Variants in OTOGL observed in about 807,000 individuals in gnomAD.
OTOGL encodes the protein otogelin-like protein.
In OTOGL, 285 loss-of-function variants were observed where a neutral mutation model predicts 318.5. That is an observed-to-expected ratio of 0.89 (90% CI 0.81 to 0.99). OTOGL has a LOEUF of 0.99. Ranked by LOEUF, OTOGL falls within the 50% of genes least tolerant of loss-of-function variation. The pLI, the probability that OTOGL is intolerant of heterozygous loss-of-function variation, is 0.00. For synonymous variants in OTOGL, 987 were observed against 936.5 expected, an observed-to-expected ratio of 1.05 and a Z score of -0.99; for missense variants, 2,899 against 2,845.6, an observed-to-expected ratio of 1.02 and a Z score of -0.43.
Position 80,342,171 on chromosome 12 carries a change from G to A in OTOGL, c.5265+9G>A, listed in dbSNP as rs1888818737. On this transcript the variant is annotated intron_variant, in intron 44 of 58. Transcript: ENST00000547103. ...TTCCATGTCATGATAAAGTAAGTTGGAAGCAACCATAAATAATACTTTCAT... is the reference window on the plus strand; with the variant it reads ...TTCCATGTCATGATAAAGTAAGTTGAAAGCAACCATAAATAATACTTTCAT... The A allele has an allele frequency of 6.5e-7, 1 of 1,533,228 alleles. No individual in the cohort carries two copies. The highest frequency in any genetic ancestry group is 1.7e-4 in the Middle Eastern group (1 of 5,894). 95.0% of individuals were successfully genotyped at this position (1,533,228 alleles called of 1,614,324 possible). A position where few individuals can be genotyped will look rare whatever the true frequency, so the allele number is the denominator to read the frequency against.
Position 80,380,472 on chromosome 12 carries a change from G to C in OTOGL, c.*2424G>C, listed in dbSNP as rs928214223. On this transcript the variant is annotated 3_prime_UTR_variant, in exon 59 of 59. Transcript: ENST00000547103. ...AATGAGCCAAAGATATAAACTGATA[G>C]TTGAAAGAAAAATAAGTAAGACTAG... is the stretch of plus-strand genomic sequence containing the variant. The C allele has an allele frequency of 2.0e-5, 3 of 151,794 alleles. No individual in the cohort carries two copies. Among genetic ancestry groups the C allele is most frequent in the African/African-American group, 7.3e-5 (3 of 41,362 alleles). The allele number at this position is 151,794 out of a possible 1,614,324, so 9.4% of individuals were successfully genotyped here. A position where few individuals can be genotyped will look rare whatever the true frequency, so the allele number is the denominator to read the frequency against.
chr12:80,296,480 A>T (rs770623559), intron 26 of OTOGL, among the ~76,000 whole-genome samples: 1 of 152,190 alleles, frequency 6.6e-6, no homozygotes, highest in African/African-American at 2.4e-5. Flanking sequence ...CATATCTCAA[A>T]TGAATATTTT....
chr12:80,355,908 C>T lies in OTOGL; in HGVS notation c.5766C>T (p.Gly1922=), dbSNP rs756639152. Residue 1922 remains glycine, a synonymous_variant, in exon 47 of 59, where the codon GGC becomes GGT. Transcript: ENST00000547103. ...AACGAGAAGCTGAAGTTGTCATGGGCATCATTGATAAATGGACCTGCTGTT... is the reference window on the plus strand; with the variant it reads ...AACGAGAAGCTGAAGTTGTCATGGGTATCATTGATAAATGGACCTGCTGTT... The part of the protein sequence containing the change: ...VCEREAEVVM[G]IIDKWTCCSK... 1 of 1,613,874 alleles carries T rather than the reference C, an allele frequency of 6.2e-7. No homozygotes were observed. The highest frequency in any genetic ancestry group is 1.7e-5 in the Admixed American group (1 of 60,006).
chr12:80,238,379 T>A (rs568212569), intron 9 of OTOGL, among the ~76,000 whole-genome samples: 1 of 138,802 alleles, frequency 7.2e-6, no homozygotes, highest in African/African-American at 3.4e-5. Context: ...ATTTGACAAG[T>A]TTTTTTTTGT....
At chr12:80,134,174 C>T (rs1007870987) in intron 1 of OTOGL, among the ~76,000 whole-genome samples, 2 of 152,146 alleles carry the variant, frequency 1.3e-5, no homozygotes, top group Admixed American at 1.3e-4. Context: ...TTATTTTCCT[C>T]TCTCCCCATT....
chr12:80,108,789 ATATATATATATG>A (rs1565863123), intron 1 of OTOGL, among the ~76,000 whole-genome samples: 1 of 132,510 alleles, frequency 7.5e-6, no homozygotes, highest in Non-Finnish European at 1.6e-5. Flanking sequence ...ATATATATGT[ATATATATATATG>A]TATATATATA....
chr12:80,215,585 T>G (rs963958139), intron 4 of OTOGL, among the ~76,000 whole-genome samples: 5 of 152,188 alleles, frequency 3.3e-5, no homozygotes, highest in Non-Finnish European at 5.9e-5. Flanking sequence ...ATTGGGAAAC[T>G]GAACCTGAGC....
chr12:80,156,858 G>A (rs573963142), intron 1 of OTOGL, among the ~76,000 whole-genome samples: 1 of 152,216 alleles, frequency 6.6e-6, no homozygotes, highest in South Asian at 2.1e-4. Flanking sequence ...CACTTAGATT[G>A]CATCCAAATC....
rs544227304 is a variant in OTOGL, at chr12:80,216,683, T to C, written c.169-915T>C. On this transcript the variant is annotated intron_variant, in intron 4 of 58. Coordinates refer to ENST00000547103, the MANE Select transcript of OTOGL (RefSeq NM_001378609.3). ...AGGGAAGTGCCATTGTTGTTCCCCT[T>C]TTACAGATGAGTAAATAGAGGCACT... 4.6e-5 allele frequency among the ~76,000 whole-genome samples: 7 copies of C among 152,278 alleles called. 1 individual carries two copies. The highest frequency in any genetic ancestry group is 1.7e-4 in the African/African-American group (7 of 41,556).
chr12:80,311,403 A>G (rs1438606279), intron 30 of OTOGL, among the ~76,000 whole-genome samples: 1 of 152,132 alleles, frequency 6.6e-6, no homozygotes, highest in Non-Finnish European at 1.5e-5. Flanking sequence ...TCAGACAGGG[A>G]TATTTGGCAG....
chr12:80,142,270 A>G (rs978729472), intron 1 of OTOGL, among the ~76,000 whole-genome samples: 2 of 152,096 alleles, frequency 1.3e-5, no homozygotes, highest in African/African-American at 2.4e-5. Flanking sequence ...GCACATCCCA[A>G]TTTGGATTAG....
At chr12:80,357,597 G>T (rs1422832788) in intron 49 of OTOGL, among the ~76,000 whole-genome samples, 1 of 152,128 alleles carries the variant, frequency 6.6e-6, no homozygotes, top group Non-Finnish European at 1.5e-5. Flanking sequence ...CCAAAATGAA[G>T]CAGAACAGTC....
At chr12:80,110,261 G>A (rs946700809) in intron 1 of OTOGL, among the ~76,000 whole-genome samples, 3 of 152,028 alleles carry the variant, frequency 2.0e-5, no homozygotes, top group Non-Finnish European at 2.9e-5. Flanking sequence ...TCGAGATGGG[G>A]TTTCACCGTG....
At chr12:80,112,489 C>T (rs1869900525) in intron 1 of OTOGL, among the ~76,000 whole-genome samples, 1 of 152,140 alleles carries the variant, frequency 6.6e-6, no homozygotes, top group Non-Finnish European at 1.5e-5. Flanking sequence ...TTTTCTGCAT[C>T]TATCGAGATA....
At chr12:80,281,407 A>G (rs1051587469) in intron 26 of OTOGL, among the ~76,000 whole-genome samples, 19 of 151,792 alleles carry the variant, frequency 1.3e-4, no homozygotes, top group African/African-American at 4.6e-4. Flanking sequence ...AATATGAAGG[A>G]TGTTGAATTT....
chr12:80,153,377 G>T lies in OTOGL; in HGVS notation c.-20+53772G>T, dbSNP rs75554111. On this transcript the variant is annotated intron_variant, in intron 1 of 58. Transcript: ENST00000547103. ...CTCATGACCTAATCACCCCCTCAAA[G>T]GCTCCACCTCCTGAGACCATCACAT... 2.6e-5 allele frequency among the ~76,000 whole-genome samples: 4 copies of T among 152,186 alleles called. No individual in the cohort carries two copies. In the East Asian group the frequency reaches 7.7e-4, roughly 29 times the overall value.
At chr12:80,306,591 T>C (rs1371620998) in intron 29 of OTOGL, among the ~76,000 whole-genome samples, 1 of 152,054 alleles carries the variant, frequency 6.6e-6, no homozygotes, top group Non-Finnish European at 1.5e-5. Flanking sequence ...TCAGTAATTT[T>C]TGAGTGTGGT....
intron 44 of OTOGL, among the ~76,000 whole-genome samples, chr12:80,349,177 G>A (rs753785762): frequency 5.9e-5 from 9 of 151,942 alleles, no homozygotes; most frequent in Non-Finnish European, 1.0e-4. Flanking sequence ...AGTGTAATTC[G>A]GGAGCTCAGA....
At chr12:80,110,727 CTT>C (rs1211381924) in intron 1 of OTOGL, among the ~76,000 whole-genome samples, 1 of 152,090 alleles carries the variant, frequency 6.6e-6, no homozygotes, top group Non-Finnish European at 1.5e-5. Context: ...GTGCATGTGT[CTT>C]TATAGTAGAA....
Sources: gnomAD v4.1 joint callset for allele counts (sites outside exome capture counted in the v4.1 genomes callset) on GRCh38, gnomAD v4.1.1 for gene constraint, MANE v1.5 for transcripts, NCBI Gene and HGNC (gene_info 2026-07-23, HGNC 2026-07-21) for gene names.